EPHA6: variants seen among roughly 807,000 people sequenced by gnomAD.
EPHA6 encodes ephrin type-A receptor 6.
EPHA6 carries 50 observed loss-of-function variants against 112.0 expected under a neutral mutation model. That is an observed-to-expected ratio of 0.45 (90% CI 0.36 to 0.56). EPHA6 has a LOEUF of 0.56. EPHA6 is among the 20% of genes least tolerant of loss of function. The pLI is 0.00. For missense variants in EPHA6, 1,280 were observed against 1,417.4 expected, an observed-to-expected ratio of 0.90 and a Z score of 1.56; for synonymous variants, 529 against 490.7, an observed-to-expected ratio of 1.08 and a Z score of -1.03.
At chr3:96,816,929 G>GAAT (rs146966266) in intron 1 of EPHA6, among the ~76,000 whole-genome samples, 4,352 of 151,986 alleles carry the variant, frequency 0.029, 211 homozygotes, top group African/African-American at 0.097. Flanking sequence ...GTTTGACCTA[G>GAAT]AATATATGCC....
At chr3:97,592,818 A>G (rs1240133754) in intron 12 of EPHA6, 81 bp downstream of exon 12, 92 of 1,386,274 alleles carry the variant, frequency 6.6e-5, no homozygotes, top group Non-Finnish European at 8.1e-5. Context: ...CAAATACAAA[A>G]TGAATATTGC....
At chr3:97,409,726 A>C (rs1367001257) in intron 6 of EPHA6, among the ~76,000 whole-genome samples, 2 of 152,102 alleles carry the variant, frequency 1.3e-5, no homozygotes, top group South Asian at 2.1e-4. Context: ...CCCTCATAAC[A>C]GTTCATTATT....
intron 14 of EPHA6, among the ~76,000 whole-genome samples, chr3:97,689,733 G>T (rs1044463187): frequency 6.6e-6 from 1 of 152,030 alleles, no homozygotes; most frequent in African/African-American, 2.4e-5. Flanking sequence ...AACTATGACT[G>T]TACTCTAATT....
chr3:97,761,168 T>C lies in EPHA6; in HGVS notation c.*12467T>C, dbSNP rs1466585111. The C allele has an allele frequency of 5.0e-6, 1 of 200,360 alleles. No homozygotes were observed. The highest frequency in any genetic ancestry group is 1.0e-5 in the Non-Finnish European group (1 of 97,222). The allele number at this position is 200,360 out of a possible 1,614,324, so 12.4% of individuals were successfully genotyped here. ...ATAGCAGTGAAGTAGTCCAGACTTATTTGAAGGTGGTACTATTTTTATCTT... is the reference window on the plus strand; with the variant it reads ...ATAGCAGTGAAGTAGTCCAGACTTACTTGAAGGTGGTACTATTTTTATCTT... On this transcript the variant is annotated 3_prime_UTR_variant, in exon 18 of 18. Transcript: ENST00000389672.
At chr3:96,979,394 G>C (rs2042664423) in intron 2 of EPHA6, among the ~76,000 whole-genome samples, 1 of 151,874 alleles carries the variant, frequency 6.6e-6, no homozygotes, top group South Asian at 2.1e-4. Context: ...CCTTTTTTGT[G>C]GCTGCATAGT....
intron 14 of EPHA6, among the ~76,000 whole-genome samples, chr3:97,656,982 C>T (rs1369846774): frequency 6.6e-6 from 1 of 151,820 alleles, no homozygotes; most frequent in African/African-American, 2.4e-5. Flanking sequence ...ATATGTGTCA[C>T]AAAAAGGCAG....
At chr3:97,090,408 G>A (rs76089656) in intron 3 of EPHA6, among the ~76,000 whole-genome samples, 402 of 151,838 alleles carry the variant, frequency 2.6e-3, no homozygotes, top group Middle Eastern at 6.8e-3. Context: ...TTCTCCTGCG[G>A]GCATTGCAGT....
intron 11 of EPHA6, chr3:97,590,077 CT>C (rs1356237767): frequency 6.6e-6 from 1 of 152,090 alleles, no homozygotes; most frequent in East Asian, 1.9e-4. Context: ...TGAAAGCTTA[CT>C]TTAGTGTTTC....
chr3:97,242,110 C>T (rs1043683775), intron 4 of EPHA6, among the ~76,000 whole-genome samples: 2 of 151,624 alleles, frequency 1.3e-5, no homozygotes, highest in African/African-American at 4.8e-5. Context: ...AAGCAAGGCA[C>T]CCAGCAACCT....
chr3:97,427,386 C>A (rs944164483), intron 6 of EPHA6, among the ~76,000 whole-genome samples: 1 of 152,170 alleles, frequency 6.6e-6, no homozygotes, highest in Middle Eastern at 3.4e-3. Flanking sequence ...CATGGCCTTT[C>A]CAGGAACATG....
intron 3 of EPHA6, among the ~76,000 whole-genome samples, chr3:97,159,607 C>G (rs1443133927): frequency 1.3e-5 from 2 of 152,076 alleles, no homozygotes; most frequent in Non-Finnish European, 2.9e-5. Flanking sequence ...CTTCCCCAAC[C>G]CTGTAAGATA....
At chr3:97,529,445 G>T (rs1157551463) in intron 10 of EPHA6, among the ~76,000 whole-genome samples, 5 of 151,894 alleles carry the variant, frequency 3.3e-5, no homozygotes, top group African/African-American at 1.2e-4. Flanking sequence ...AGAAAAAAAA[G>T]GTAATTAATA....
intron 2 of EPHA6, among the ~76,000 whole-genome samples, chr3:96,941,082 G>A (rs1168642817): frequency 2.6e-5 from 4 of 152,044 alleles, no homozygotes; most frequent in African/African-American, 9.7e-5. Context: ...GTGTCTTGGA[G>A]TTGCTCTTCT....
intron 3 of EPHA6, among the ~76,000 whole-genome samples, chr3:97,079,606 T>TAAAAAA (rs71113851): frequency 1.8e-5 from 2 of 113,268 alleles, no homozygotes. Flanking sequence ...AAATTAAAAG[T>TAAAAAA]AAAAAAAAAA....
chr3:97,742,095 C>T (rs2035529342), intron 16 of EPHA6, among the ~76,000 whole-genome samples: 3 of 152,194 alleles, frequency 2.0e-5, no homozygotes, highest in South Asian at 2.1e-4. Flanking sequence ...CGTCCTCAGG[C>T]ATTTCTGTAG....
intron 3 of EPHA6, among the ~76,000 whole-genome samples, chr3:97,100,338 A>G (rs752056909): frequency 2.0e-5 from 3 of 151,422 alleles, no homozygotes; most frequent in Non-Finnish European, 4.4e-5. Flanking sequence ...TTTTAATGCA[A>G]TACTATATAT....
At chr3:97,538,964 T>C (rs145162027) in intron 11 of EPHA6, among the ~76,000 whole-genome samples, 1 of 152,236 alleles carries the variant, frequency 6.6e-6, no homozygotes, top group Non-Finnish European at 1.5e-5. Context: ...AGCTACTACA[T>C]ACTGGACACT....
At chr3:97,592,935 C>T (rs538406446) in intron 12 of EPHA6, among the ~76,000 whole-genome samples, 198 bp downstream of exon 12, 5 of 152,286 alleles carry the variant, frequency 3.3e-5, no homozygotes, top group African/African-American at 7.2e-5. Flanking sequence ...AAGGACTCTG[C>T]GCACCTAATT....
chr3:97,359,253 C>A (rs1239313289), intron 5 of EPHA6, among the ~76,000 whole-genome samples: 5 of 151,856 alleles, frequency 3.3e-5, no homozygotes, highest in Non-Finnish European at 7.4e-5. Context: ...CCATTTTTTT[C>A]ATTTTGTCCC....
Sources: allele counts gnomAD v4.1 joint callset (sites outside exome capture counted in the v4.1 genomes callset), GRCh38; gene constraint gnomAD v4.1.1; transcripts MANE v1.5; gene names NCBI Gene and HGNC (gene_info 2026-07-23, HGNC 2026-07-21).